The following CAPN13 variants were observed in gnomAD, a reference collection of about 807,000 sequenced individuals.
CAPN13 encodes the protein calpain 13.
CAPN13 carries 90 observed loss-of-function variants against 98.4 expected under a neutral mutation model. That is an observed-to-expected ratio of 0.92 (90% CI 0.77 to 1.09). The LOEUF (loss-of-function observed/expected upper bound fraction) is 1.09, where lower values mean the gene tolerates loss of function less well. CAPN13 is among the 50% of genes least tolerant of loss of function. The probability of loss-of-function intolerance (pLI) is 0.00; values close to 1 mark genes in which losing one functional copy is unlikely to be tolerated. For synonymous variants in CAPN13, 330 were observed against 305.5 expected (o/e 1.08, Z -0.84); for missense variants, 887 against 841.3 (o/e 1.05, Z -0.67).
chr2:30,789,436 T>C (rs1674493712), intron 1 of CAPN13, among the ~76,000 whole-genome samples: 1 of 152,250 alleles, frequency 6.6e-6, no homozygotes, highest in Admixed American at 6.5e-5. Context: ...AATTATGGGA[T>C]TGCCTGTAAG....
At chr2:30,732,304 C>A (rs760219350) in intron 20 of CAPN13, 134 bp downstream of exon 20, 14 of 1,102,124 alleles carry the variant, frequency 1.3e-5, no homozygotes, top group Non-Finnish European at 1.6e-5. Flanking sequence ...TCGGTTGGCA[C>A]CTCACACAGG....
intron 1 of CAPN13, among the ~76,000 whole-genome samples, chr2:30,801,025 A>C (rs530706590): frequency 1.7e-4 from 26 of 152,258 alleles, no homozygotes; most frequent in African/African-American, 6.0e-4. Flanking sequence ...TTTTTTCTGA[A>C]ACAAATACAA....
chr2:30,731,046 A>G (rs1197490025), intron 21 of CAPN13, among the ~76,000 whole-genome samples: 1 of 152,224 alleles, frequency 6.6e-6, no homozygotes. Context: ...CTCAATGGGA[A>G]TAAGTTTAAT....
In CAPN13 at chr2:30,743,479, T is replaced by C; in HGVS notation, c.1349A>G (p.His450Arg). The change falls in exon 13 of 23, where the codon CAT becomes CGT. Residue 450 changes from histidine to arginine, a missense_variant. By Grantham distance (29) the His-to-Arg change is conservative. Coordinates refer to ENST00000295055, the MANE Select transcript of CAPN13 (RefSeq NM_144575.3). ...CACAACATAGTTCCCAGGGCTCAGA[T>C]GGTAAGTCATGGTGAAGTTGCGGCG... ...KFRRNFTMTY[H>R]LSPGNYVVVA... The C allele has an allele frequency of 6.2e-7, 1 of 1,613,956 alleles. No individual in the cohort carries two copies. Among genetic ancestry groups the C allele is most frequent in the Non-Finnish European group, 8.5e-7 (1 of 1,179,842 alleles).
chr2:30,731,374 A>G lies in CAPN13; in HGVS notation c.1953T>C (p.Asp651=), dbSNP rs907695133. Reference sequence around the variant, plus strand: ...TTTCTGTCAGGTAGAGTCCTTTTCCATCCTTAGAGAGGTTGCGGAAGGTCT... The same window carrying G: ...TTTCTGTCAGGTAGAGTCCTTTTCCGTCCTTAGAGAGGTTGCGGAAGGTCT... ...MAKTFRNLSK[D]GKGLYLTEME... The change falls in exon 21 of 23, where the codon GAT becomes GAC. Residue 651 remains aspartate (D), a synonymous_variant. Transcript: ENST00000295055. The G allele has an allele frequency of 5.0e-6, 8 of 1,611,134 alleles. No individual in the cohort carries two copies. The highest frequency in any genetic ancestry group is 5.1e-6 in the Non-Finnish European group (6 of 1,178,592).
At chr2:30,788,903 G>A (rs1674464904) in intron 1 of CAPN13, among the ~76,000 whole-genome samples, 1 of 152,108 alleles carries the variant, frequency 6.6e-6, no homozygotes, top group Non-Finnish European at 1.5e-5. Flanking sequence ...ATTTACATTT[G>A]AACTATTAGA....
intron 1 of CAPN13, among the ~76,000 whole-genome samples, chr2:30,799,533 A>C (rs1006816073): frequency 1.3e-5 from 2 of 152,168 alleles, no homozygotes; most frequent in African/African-American, 2.4e-5. Flanking sequence ...AAACAGAAGA[A>C]GTTTAGGCAG....
intron 4 of CAPN13, among the ~76,000 whole-genome samples, chr2:30,774,947 C>T (rs192702035): frequency 1.1e-4 from 16 of 152,280 alleles, no homozygotes; most frequent in Non-Finnish European, 2.2e-4. Context: ...AAGCACATTA[C>T]TGAAGTCAAG....
Position 30,738,438 on chromosome 2 carries a change from G to A in CAPN13, c.1556C>T (p.Thr519Ile). 6.2e-7 allele frequency: 1 copy of A among 1,606,158 alleles called. No individual in the cohort carries two copies. Among genetic ancestry groups the A allele is most frequent in the Non-Finnish European group, 8.5e-7 (1 of 1,176,100 alleles). Residue 519 changes from threonine (T) to isoleucine (I), a missense_variant, in exon 16 of 23, where the codon ACC becomes ATC. By Grantham distance (89) the Thr-to-Ile change is moderately conservative. Transcript: ENST00000295055. ...CTGGTTGAGAAGGCCCTGAAGCTGG[G>A]TGGCATCAATGTCCAGCCTCTGATC... ...YAQQRLDIDATQLQGLLNQEL... is the reference protein window; with the variant it reads ...YAQQRLDIDAIQLQGLLNQEL...
At chr2:30,765,202 T>G (rs930433074) in intron 5 of CAPN13, among the ~76,000 whole-genome samples, 6 of 152,178 alleles carry the variant, frequency 3.9e-5, no homozygotes, top group African/African-American at 1.4e-4. Flanking sequence ...TAGATTTGTT[T>G]TGAGAACTTC....
intron 3 of CAPN13, 115 bp downstream of exon 3, chr2:30,777,452 G>A (rs1267308348): frequency 5.7e-6 from 5 of 879,804 alleles, no homozygotes; most frequent in African/African-American, 1.7e-5. Flanking sequence ...TTTGTCCACG[G>A]CAGCACCAAG....
rs574349527 is a variant in CAPN13 at position 30,745,517 on chromosome 2, G to A, written c.1248+206C>T. On this transcript the variant is annotated intron_variant, in intron 12 of 22. Transcript: ENST00000295055. ...AATGTTAGCAAGAGAACAGCTCAAA[G>A]GGTCGAAGCTTCAGACCAGGACACC... Among the ~76,000 whole-genome samples, 12 of 152,338 alleles carry A rather than the reference G, an allele frequency of 7.9e-5. No homozygotes were observed. In the South Asian group the frequency reaches 2.1e-3, roughly 26 times the overall value.
intron 17 of CAPN13, chr2:30,738,031 T>G: frequency 1.6e-6 from 1 of 619,972 alleles, no homozygotes; most frequent in Non-Finnish European, 3.0e-6. Flanking sequence ...CAGCACATAG[T>G]AGGTGCTTGA....
chr2:30,778,087 A>T (rs1209552904), intron 2 of CAPN13, among the ~76,000 whole-genome samples: 1 of 152,206 alleles, frequency 6.6e-6, no homozygotes, highest in East Asian at 1.9e-4. Flanking sequence ...TAGCATAGGT[A>T]TTTTGGACTA....
intron 2 of CAPN13, among the ~76,000 whole-genome samples, chr2:30,780,956 A>C (rs1305288073): frequency 6.6e-6 from 1 of 152,206 alleles, no homozygotes; most frequent in Admixed American, 6.5e-5. Flanking sequence ...GAGGGCAGTG[A>C]AGCCAGTGTG....
intron 2 of CAPN13, among the ~76,000 whole-genome samples, chr2:30,781,644 A>C (rs1010727928): frequency 8.5e-5 from 13 of 152,164 alleles, no homozygotes; most frequent in African/African-American, 3.1e-4. Context: ...ACAGGGAATT[A>C]CATCATCCAT....
chr2:30,743,669 G>T, intron 12 of CAPN13, 90 bp from the exon 13 acceptor site: 1 of 1,104,062 alleles, frequency 9.1e-7, no homozygotes, highest in Non-Finnish European at 1.4e-6. Flanking sequence ...CTTCTAGACC[G>T]TCTCCATTCA....
chr2:30,765,538 C>T (rs1372832775), intron 5 of CAPN13, among the ~76,000 whole-genome samples: 1 of 152,236 alleles, frequency 6.6e-6, no homozygotes, highest in East Asian at 1.9e-4. Context: ...CTCCCTCCAA[C>T]TGGGTCTTCC....
chr2:30,734,093 G>T (rs1012145852), intron 19 of CAPN13, among the ~76,000 whole-genome samples: 6 of 152,186 alleles, frequency 3.9e-5, no homozygotes, highest in Non-Finnish European at 8.8e-5. Context: ...CTAGCCTGTG[G>T]GTATTTAACC....
Sources: gnomAD v4.1 joint callset for allele counts (sites outside exome capture counted in the v4.1 genomes callset) on GRCh38, gnomAD v4.1.1 for gene constraint, MANE v1.5 for transcripts, NCBI Gene and HGNC (gene_info 2026-07-23, HGNC 2026-07-21) for gene names.